Variants in C14orf132 observed in about 807,000 individuals in gnomAD.
The protein encoded by C14orf132 is chromosome 14 open reading frame 132.
In C14orf132, 6 loss-of-function variants were observed where a neutral mutation model predicts 5.8. The observed-to-expected ratio is 1.03, with a 90% confidence interval of 0.57 to 2.04. The LOEUF is 2.04. Among genes scored for constraint, C14orf132 ranks in the 30% most tolerant of loss-of-function variants. The pLI, the probability that C14orf132 is intolerant of heterozygous loss-of-function variation, is 0.00. For synonymous variants in C14orf132, 51 were observed against 49.8 expected, an observed-to-expected ratio of 1.02 and a Z score of -0.10; for missense variants, 125 against 115.8, an observed-to-expected ratio of 1.08 and a Z score of -0.37.
chr14:96,053,030 G>A (rs1210610219), intron 1 of C14orf132, among the ~76,000 whole-genome samples: 1 of 152,140 alleles, frequency 6.6e-6, no homozygotes, highest in Non-Finnish European at 1.5e-5. Context: ...GGGCTGAGGG[G>A]CTTTCAAGAC....
At chr14:96,082,435 T>C (rs966154979) in intron 1 of C14orf132, among the ~76,000 whole-genome samples, 8 of 152,316 alleles carry the variant, frequency 5.3e-5, no homozygotes, top group Admixed American at 4.6e-4. Context: ...TTTTGAGTCA[T>C]GGAATTCTGC....
chr14:96,044,455 C>G (rs374402737), intron 1 of C14orf132, among the ~76,000 whole-genome samples: 1 of 152,224 alleles, frequency 6.6e-6, no homozygotes, highest in African/African-American at 2.4e-5. Context: ...GCTGGGATTA[C>G]AGGCATGAGC....
intron 1 of C14orf132, among the ~76,000 whole-genome samples, chr14:96,042,759 T>C (rs1886728460): frequency 6.6e-6 from 1 of 152,172 alleles, no homozygotes; most frequent in African/African-American, 2.4e-5. Flanking sequence ...AGTGTGCTCG[T>C]GGACCCCATC....
chr14:96,057,183 G>A (rs767423113), intron 1 of C14orf132, among the ~76,000 whole-genome samples: 4 of 152,032 alleles, frequency 2.6e-5, no homozygotes, highest in Non-Finnish European at 5.9e-5. Context: ...TGATTAGACC[G>A]TGAGGGCTTA....
chr14:96,064,357 C>CATAT lies in C14orf132; in HGVS notation c.28-22150_28-22147dup, dbSNP rs71307131. ...TCGAGTGGATAAAGAAACTAGGGTG[C>CATAT]ATATATACACACACACACACACACA... On this transcript the variant is annotated intron_variant, in intron 1 of 1. Transcript: ENST00000555004. Among the ~76,000 whole-genome samples, 251 of 116,724 alleles carry CATAT rather than the reference C, an allele frequency of 2.2e-3. 2 individuals are homozygous for CATAT. Among genetic ancestry groups the CATAT allele is most frequent in the African/African-American group, 7.5e-3 (231 of 30,628 alleles). The allele number at this position is 116,724 out of a possible 152,430, so 76.6% of individuals were successfully genotyped here.
chr14:96,088,584 A>G lies in C14orf132; in HGVS notation c.*1849A>G, dbSNP rs967152509. 1 of 152,314 alleles carries G rather than the reference A, an allele frequency of 6.6e-6. No homozygotes were observed. The highest frequency in any genetic ancestry group is 1.5e-5 in the Non-Finnish European group (1 of 68,108). The allele number at this position is 152,314 out of a possible 1,614,324, so 9.4% of individuals were successfully genotyped here. ...GTCTGCCCCATAAGCAAGATCTTTA[A>G]CAGATGGATGTCTCCATGAGAAAAC... On this transcript the variant is annotated 3_prime_UTR_variant, in exon 2 of 2. Transcript: ENST00000555004.
At chr14:96,053,759 A>T (rs1229056240) in intron 1 of C14orf132, among the ~76,000 whole-genome samples, 1 of 152,112 alleles carries the variant, frequency 6.6e-6, no homozygotes, top group Admixed American at 6.5e-5. Flanking sequence ...CACACGGCTC[A>T]CCCTGTCAGT....
rs371381526 is a variant in C14orf132 at position 96,049,653 on chromosome 14, T to TATATATAGAG, written c.27+10127_27+10128insTATATAGAGA. Among the ~76,000 whole-genome samples the TATATATAGAG allele has an allele frequency of 3.4e-3, 279 of 82,280 alleles. 33 individuals are homozygous for TATATATAGAG. Among genetic ancestry groups the TATATATAGAG allele is most frequent in the African/African-American group, 8.5e-3 (184 of 21,758 alleles). 54.0% of individuals were successfully genotyped at this position (82,280 alleles called of 152,430 possible). Reference sequence around the variant, plus strand: ...ATACATATATACGTATATATATATATAGAGAGAGAGAGAGAGAGAGTTCTG... The same window carrying TATATATAGAG: ...ATACATATATACGTATATATATATATATATATAGAGAGAGAGAGAGAGAGAGAGAGTTCTG... On this transcript the variant is annotated intron_variant, in intron 1 of 1. Transcript: ENST00000555004.
intron 1 of C14orf132, among the ~76,000 whole-genome samples, chr14:96,048,153 A>G (rs1320024626): frequency 1.3e-5 from 2 of 152,150 alleles, no homozygotes; most frequent in African/African-American, 4.8e-5. Context: ...GAGCCATTGC[A>G]CTCCAGCCTG....
intron 1 of C14orf132, among the ~76,000 whole-genome samples, chr14:96,083,913 T>C (rs1298892694): frequency 6.6e-6 from 1 of 152,112 alleles, no homozygotes; most frequent in Non-Finnish European, 1.5e-5. Flanking sequence ...TTGGCAGGAA[T>C]GTTAGGAATA....
Position 96,086,992 on chromosome 14 carries a change from T to C in C14orf132, c.*257T>C. 1 of 532,044 alleles carries C rather than the reference T, an allele frequency of 1.9e-6. No homozygotes were observed. The highest frequency in any genetic ancestry group is 3.3e-6 in the Non-Finnish European group (1 of 298,640). The allele number at this position is 532,044 out of a possible 1,614,324, so 33.0% of individuals were successfully genotyped here. A position where few individuals can be genotyped will look rare whatever the true frequency, so the allele number is the denominator to read the frequency against. The stretch of plus-strand genomic sequence containing the variant: ...AGGCCTTCAGAGGGCAGATTGGGGA[T>C]CCTTGAAACTACATTCCAGGAACAT... On this transcript the variant is annotated 3_prime_UTR_variant, in exon 2 of 2. Transcript: ENST00000555004.
intron 1 of C14orf132, among the ~76,000 whole-genome samples, chr14:96,057,375 G>A (rs1475143030): frequency 6.6e-6 from 1 of 152,172 alleles, no homozygotes; most frequent in Non-Finnish European, 1.5e-5. Context: ...CCTTGATCTT[G>A]GACTTCCTAA....
At chr14:96,076,104 T>G (rs1240440144) in intron 1 of C14orf132, among the ~76,000 whole-genome samples, 2 of 152,232 alleles carry the variant, frequency 1.3e-5, no homozygotes, top group Non-Finnish European at 2.9e-5. Flanking sequence ...CTATAAGGAC[T>G]GTGTGGTTTA....
intron 1 of C14orf132, among the ~76,000 whole-genome samples, chr14:96,043,013 C>T (rs1031515189): frequency 1.3e-5 from 2 of 152,198 alleles, no homozygotes; most frequent in Non-Finnish European, 2.9e-5. Flanking sequence ...GTTTCATTGG[C>T]AGGATCACGC....
chr14:96,064,847 A>T (rs999612157), intron 1 of C14orf132, among the ~76,000 whole-genome samples: 1 of 152,116 alleles, frequency 6.6e-6, no homozygotes, highest in Non-Finnish European at 1.5e-5. Context: ...ATTAAAAAAT[A>T]AAAAAGTCAC....
rs55648129 is a variant in C14orf132, at chr14:96,069,256, CATATATAT to C, written c.28-17212_28-17205del. ...ATATGTTATTGGTTCTGTTTATGTT[CATATATAT>C]ATATATATATATATATATATATATA... On this transcript the variant is annotated intron_variant, in intron 1 of 1. Coordinates refer to ENST00000555004, the MANE Select transcript of C14orf132 (RefSeq NM_001252507.3). Among the ~76,000 whole-genome samples, 660 of 94,814 alleles carry C rather than the reference CATATATAT, an allele frequency of 7.0e-3. 3 individuals carry two copies. The highest frequency in any genetic ancestry group is 7.6e-3 in the African/African-American group (184 of 24,184). 62.2% of individuals were successfully genotyped at this position (94,814 alleles called of 152,430 possible).
rs1260035042 is a variant in C14orf132 at position 96,088,677 on chromosome 14, T to G, written c.*1942T>G. The G allele has an allele frequency of 6.6e-6, 1 of 152,238 alleles. No homozygotes were observed. The highest frequency in any genetic ancestry group is 1.5e-5 in the Non-Finnish European group (1 of 68,052). The allele number at this position is 152,238 out of a possible 1,614,324, so 9.4% of individuals were successfully genotyped here. A position where few individuals can be genotyped will look rare whatever the true frequency, so the allele number is the denominator to read the frequency against. Reference sequence around the variant, plus strand: ...CCTCATGGAGTCACTCTGCCCCACATGCTCAAATCTTCCCTCTGGCCCCAC... The same window carrying G: ...CCTCATGGAGTCACTCTGCCCCACAGGCTCAAATCTTCCCTCTGGCCCCAC... On this transcript the variant is annotated 3_prime_UTR_variant, in exon 2 of 2. Transcript: ENST00000555004.
chr14:96,060,355 G>C (rs1887314458), intron 1 of C14orf132, among the ~76,000 whole-genome samples: 1 of 152,160 alleles, frequency 6.6e-6, no homozygotes, highest in Non-Finnish European at 1.5e-5. Context: ...ACCCCCTACA[G>C]CTACCATCTC....
chr14:96,086,810 C>T lies in C14orf132; in HGVS notation c.*75C>T, dbSNP rs556915554. 2.1e-6 allele frequency: 3 copies of T among 1,421,214 alleles called. No homozygotes were observed. The highest frequency in any genetic ancestry group is 9.5e-7 in the Non-Finnish European group (1 of 1,053,044). 88.0% of individuals were successfully genotyped at this position (1,421,214 alleles called of 1,614,324 possible). The stretch of plus-strand genomic sequence containing the variant: ...GACTTGCTGTCGGCCTTTGGCTTCT[C>T]CTGTGTTCTAGAACCAGGAGTTTTG... On this transcript the variant is annotated 3_prime_UTR_variant, in exon 2 of 2. Transcript: ENST00000555004.
Sources: gnomAD v4.1 joint callset for allele counts (sites outside exome capture counted in the v4.1 genomes callset) on GRCh38, gnomAD v4.1.1 for gene constraint, MANE v1.5 for transcripts, NCBI Gene and HGNC (gene_info 2026-07-23, HGNC 2026-07-21) for gene names.